The following ATF7IP2 variants were observed in gnomAD, a reference collection of about 807,000 sequenced individuals.
ATF7IP2 encodes the protein activating transcription factor 7 interacting protein 2, also known as activating transcription factor 7-interacting protein 2.
ATF7IP2 carries 42 observed loss-of-function variants against 64.2 expected under a neutral mutation model. That is an observed-to-expected ratio of 0.65 (90% CI 0.51 to 0.85). The LOEUF (loss-of-function observed/expected upper bound fraction) is 0.85, where lower values mean the gene tolerates loss of function less well. Among genes scored for constraint, ATF7IP2 ranks in the 40% least tolerant of loss-of-function variants. ATF7IP2 has a pLI of 0.00. For synonymous variants in ATF7IP2, 308 were observed against 272.8 expected (o/e 1.13, Z -1.27); for missense variants, 933 against 784.2 (o/e 1.19, Z -2.27).
intron 2 of ATF7IP2, among the ~76,000 whole-genome samples, chr16:10,418,539 G>A (rs1380070751): frequency 6.6e-6 from 1 of 152,190 alleles, no homozygotes; most frequent in Non-Finnish European, 1.5e-5. Flanking sequence ...CAGATTAAAA[G>A]TGCAATCATC....
At chr16:10,413,772 T>C (rs1441308444) in intron 1 of ATF7IP2, among the ~76,000 whole-genome samples, 2 of 152,216 alleles carry the variant, frequency 1.3e-5, no homozygotes, top group African/African-American at 2.4e-5. Flanking sequence ...AAAAAGACTG[T>C]ATGTTTCCTT....
intron 1 of ATF7IP2, among the ~76,000 whole-genome samples, chr16:10,390,331 TA>T (rs2047296274): frequency 6.6e-6 from 1 of 152,252 alleles, no homozygotes; most frequent in Non-Finnish European, 1.5e-5. Flanking sequence ...GCTTGGAAAG[TA>T]ACATGCTTGT....
chr16:10,418,979 C>T (rs1368129863), intron 2 of ATF7IP2, among the ~76,000 whole-genome samples: 1 of 152,232 alleles, frequency 6.6e-6, no homozygotes, highest in African/African-American at 2.4e-5. Context: ...ACAATTTGTG[C>T]TAAACATCCC....
At chr16:10,453,954 G>T (rs1233315168) in intron 8 of ATF7IP2, 1 of 151,406 alleles carries the variant, frequency 6.6e-6, no homozygotes, top group African/African-American at 2.4e-5. Flanking sequence ...AGCTTTCTTC[G>T]TAAGAAGGCT....
intron 8 of ATF7IP2, chr16:10,445,837 C>T (rs553020505): frequency 6.6e-6 from 1 of 152,210 alleles, no homozygotes; most frequent in Non-Finnish European, 1.5e-5. Flanking sequence ...GGGTGATTAA[C>T]TCTTTGTGAA....
intron 1 of ATF7IP2, among the ~76,000 whole-genome samples, chr16:10,406,776 T>G (rs2047649079): frequency 6.6e-6 from 1 of 152,168 alleles, no homozygotes; most frequent in African/African-American, 2.4e-5. Context: ...AATAAAACAT[T>G]GCCCAGCAAA....
rs2048204522 is a variant in ATF7IP2 at position 10,430,391 on chromosome 16, A to G, written c.-10-220A>G. Among the ~76,000 whole-genome samples, 4 of 152,196 alleles carry G rather than the reference A, an allele frequency of 2.6e-5. No homozygotes were observed. The South Asian group carries it at 6.2e-4, about 24-fold the overall frequency. ...AGGTAGAGGCTTACTAGCAATACAGATTTTGAATTTATGTAGTTTAGATTT... is the reference window on the plus strand; with the variant it reads ...AGGTAGAGGCTTACTAGCAATACAGGTTTTGAATTTATGTAGTTTAGATTT... On this transcript the variant is annotated intron_variant, in intron 4 of 13. Transcript: ENST00000562102.
intron 1 of ATF7IP2, chr16:10,387,335 G>A (rs1328940883): frequency 6.6e-6 from 1 of 152,228 alleles, no homozygotes; most frequent in Non-Finnish European, 1.5e-5. Flanking sequence ...TACGTTTGTA[G>A]AAGTGTTGAC....
intron 7 of ATF7IP2, among the ~76,000 whole-genome samples, 187 bp downstream of exon 7, chr16:10,438,422 T>G (rs2048495187): frequency 6.6e-6 from 1 of 150,902 alleles, no homozygotes; most frequent in Non-Finnish European, 1.5e-5. Context: ...TTTTTGGGTT[T>G]TTTTTTTTTT....
intron 9 of ATF7IP2, among the ~76,000 whole-genome samples, chr16:10,467,469 A>T (rs2049619835): frequency 6.6e-6 from 1 of 152,250 alleles, no homozygotes; most frequent in Non-Finnish European, 1.5e-5. Flanking sequence ...TGAAAAATAC[A>T]GCTATCAGTC....
At chr16:10,453,032 G>C (rs112468661) in intron 8 of ATF7IP2, among the ~76,000 whole-genome samples, 356 of 152,260 alleles carry the variant, frequency 2.3e-3, no homozygotes, top group African/African-American at 8.2e-3. Context: ...CGTGTGGGTG[G>C]GACCTGCCGA....
chr16:10,454,864 C>G (rs2049115893), intron 8 of ATF7IP2, among the ~76,000 whole-genome samples: 1 of 152,098 alleles, frequency 6.6e-6, no homozygotes. Context: ...TGTTTAATTT[C>G]AAAATATTTG....
chr16:10,437,203 TAG>T (rs1331956919), intron 6 of ATF7IP2, among the ~76,000 whole-genome samples: 1 of 152,112 alleles, frequency 6.6e-6, no homozygotes, highest in Non-Finnish European at 1.5e-5. Flanking sequence ...GTATTTTTAG[TAG>T]AGTCGGGGTT....
At chr16:10,463,939 C>T (rs2049462578) in intron 9 of ATF7IP2, among the ~76,000 whole-genome samples, 1 of 152,092 alleles carries the variant, frequency 6.6e-6, no homozygotes, top group Non-Finnish European at 1.5e-5. Flanking sequence ...TCTTATATTC[C>T]AGTTCTTGGC....
chr16:10,389,505 T>A (rs1369285661), intron 1 of ATF7IP2, among the ~76,000 whole-genome samples: 1 of 152,148 alleles, frequency 6.6e-6, no homozygotes, highest in Non-Finnish European at 1.5e-5. Context: ...CCGTCCAGTG[T>A]TACCATCCCC....
chr16:10,410,193 C>T (rs1222655436), intron 1 of ATF7IP2, among the ~76,000 whole-genome samples: 4 of 152,186 alleles, frequency 2.6e-5, no homozygotes, highest in African/African-American at 7.2e-5. Context: ...ATTGTCTCTA[C>T]CCATCCGTGA....
intron 1 of ATF7IP2, among the ~76,000 whole-genome samples, chr16:10,407,105 T>C (rs2047657011): frequency 6.6e-6 from 1 of 152,202 alleles, no homozygotes; most frequent in African/African-American, 2.4e-5. Flanking sequence ...ATACATTATA[T>C]CAACAAAATG....
At chr16:10,456,046 C>T (rs548202724) in intron 8 of ATF7IP2, among the ~76,000 whole-genome samples, 1 of 151,618 alleles carries the variant, frequency 6.6e-6, no homozygotes. Context: ...GTGACACAAT[C>T]TCGGCTCACT....
intron 6 of ATF7IP2, 102 bp downstream of exon 6, chr16:10,433,751 A>G: frequency 7.4e-7 from 1 of 1,352,252 alleles, no homozygotes; most frequent in Non-Finnish European, 1.0e-6. Flanking sequence ...GACGACTTTC[A>G]CTTGCTGCAG....
Sources: allele counts gnomAD v4.1 joint callset (sites outside exome capture counted in the v4.1 genomes callset), GRCh38; gene constraint gnomAD v4.1.1; transcripts MANE v1.5; gene names NCBI Gene and HGNC (gene_info 2026-07-23, HGNC 2026-07-21).